The following GRIA2 variants were observed in gnomAD, a reference collection of about 807,000 sequenced individuals.
GRIA2 encodes the protein glutamate ionotropic receptor AMPA type subunit 2, also known as glutamate receptor 2.
Under a neutral mutation model 97.3 loss-of-function variants are expected in GRIA2, and 14 were observed. That is an observed-to-expected ratio of 0.14 (90% CI 0.10 to 0.23). The LOEUF (loss-of-function observed/expected upper bound fraction) is 0.23. GRIA2 is among the 10% of genes least tolerant of loss of function. The pLI is 1.00. For synonymous variants in GRIA2, 412 were observed against 387.8 expected (o/e 1.06, Z -0.73); for missense variants, 558 against 1,069.8 (o/e 0.52, Z 6.67).
intron 2 of GRIA2, among the ~76,000 whole-genome samples, chr4:157,267,698 G>C (rs1295020821): frequency 6.6e-6 from 1 of 151,940 alleles, no homozygotes; most frequent in Admixed American, 6.6e-5. Flanking sequence ...ATTTGTCCTT[G>C]GGAATTTTTT....
At chr4:157,329,733 C>CAACT (rs1734965504) in intron 6 of GRIA2, among the ~76,000 whole-genome samples, 1 of 151,840 alleles carries the variant, frequency 6.6e-6, no homozygotes, top group Admixed American at 6.6e-5. Context: ...ACATATTTTA[C>CAACT]AACTCATCAA....
intron 2 of GRIA2, among the ~76,000 whole-genome samples, chr4:157,299,822 A>T (rs1185142060): frequency 6.6e-6 from 1 of 152,200 alleles, no homozygotes; most frequent in African/African-American, 2.4e-5. Context: ...ACTCAGTGAG[A>T]GCATCTTTAC....
intron 2 of GRIA2, among the ~76,000 whole-genome samples, chr4:157,284,635 A>T (rs1477145886): frequency 1.3e-5 from 2 of 151,666 alleles, no homozygotes; most frequent in African/African-American, 4.8e-5. Flanking sequence ...CTTTTCTACA[A>T]ATTCCACTGT....
chr4:157,237,972 A>C (rs1361576074), intron 2 of GRIA2, among the ~76,000 whole-genome samples: 1 of 152,148 alleles, frequency 6.6e-6, no homozygotes, highest in Non-Finnish European at 1.5e-5. Flanking sequence ...AAGTTAATTC[A>C]GTGTAACAAT....
intron 2 of GRIA2, among the ~76,000 whole-genome samples, chr4:157,299,975 GTTTC>G (rs948489133): frequency 6.6e-6 from 1 of 152,080 alleles, no homozygotes; most frequent in Admixed American, 6.6e-5. Context: ...GAGGATTCAT[GTTTC>G]TTTCTTTGCC....
intron 2 of GRIA2, among the ~76,000 whole-genome samples, chr4:157,274,350 CT>C (rs1361331770): frequency 5.3e-5 from 8 of 150,870 alleles, no homozygotes; most frequent in Non-Finnish European, 1.2e-4. Flanking sequence ...ATTTGGATAC[CT>C]TTTATTTCTT....
chr4:157,342,393 G>A, intron 12 of GRIA2: 1 of 984,472 alleles, frequency 1.0e-6, no homozygotes. Context: ...GGTTCTGGGA[G>A]TGGGGGTGGT....
intron 2 of GRIA2, among the ~76,000 whole-genome samples, chr4:157,273,559 T>TGTAAG (rs1688837475): frequency 6.6e-6 from 1 of 151,988 alleles, no homozygotes; most frequent in Non-Finnish European, 1.5e-5. Context: ...AAAGAAATAC[T>TGTAAG]AGAGGTCAAA....
Position 157,339,934 on chromosome 4 carries a change from T to C in GRIA2, c.1845-1330T>C, listed in dbSNP as rs181720914. Among the ~76,000 whole-genome samples the C allele has an allele frequency of 6.8e-3, 1,030 of 151,982 alleles. 5 individuals carry two copies. The highest frequency in any genetic ancestry group is 9.7e-3 in the Non-Finnish European group (661 of 67,818). ...AACTTTTTCCATCCTTTCATATTTA[T>C]TTTTTTGTATTTCATACAGACTTTG... On this transcript the variant is annotated intron_variant, in intron 11 of 15. Coordinates refer to ENST00000264426, the MANE Select transcript of GRIA2 (RefSeq NM_001083619.3).
chr4:157,355,592 T>TTATATATATATTTA (rs1560780507), intron 12 of GRIA2, among the ~76,000 whole-genome samples: 4 of 69,276 alleles, frequency 5.8e-5, no homozygotes, highest in African/African-American at 3.0e-4. Flanking sequence ...ATATATTTAT[T>TTATATATATATTTA]TATATATATA....
intron 2 of GRIA2, among the ~76,000 whole-genome samples, chr4:157,268,793 A>G (rs1341995925): frequency 6.6e-6 from 1 of 151,966 alleles, no homozygotes; most frequent in African/African-American, 2.4e-5. Context: ...TTCTTAGGAT[A>G]TAAGTTATCT....
chr4:157,228,786 A>G (rs1379087960), intron 2 of GRIA2, among the ~76,000 whole-genome samples: 1 of 50,338 alleles, frequency 2.0e-5, no homozygotes, highest in African/African-American at 9.0e-5. Context: ...GCAAGATTCC[A>G]TCTCAAAAAA....
intron 2 of GRIA2, among the ~76,000 whole-genome samples, chr4:157,254,247 T>C (rs1731143499): frequency 6.6e-6 from 1 of 152,094 alleles, no homozygotes; most frequent in Admixed American, 6.6e-5. Flanking sequence ...CTCTATTTTC[T>C]GTGTGTACTA....
At chr4:157,282,952 G>T (rs1732674675) in intron 2 of GRIA2, among the ~76,000 whole-genome samples, 1 of 151,992 alleles carries the variant, frequency 6.6e-6, no homozygotes, top group Non-Finnish European at 1.5e-5. Flanking sequence ...CATTTAAGAT[G>T]CTCTTTTTAC....
chr4:157,305,141 A>G (rs1254747077), intron 3 of GRIA2, among the ~76,000 whole-genome samples: 3 of 152,176 alleles, frequency 2.0e-5, no homozygotes, highest in East Asian at 3.8e-4. Context: ...AACTGAGCTT[A>G]TTAAATAATT....
intron 4 of GRIA2, among the ~76,000 whole-genome samples, chr4:157,316,688 C>T (rs1026100548): frequency 2.0e-5 from 3 of 152,174 alleles, no homozygotes; most frequent in African/African-American, 7.2e-5. Context: ...AGTTGAGCCT[C>T]AGAAACTTGC....
chr4:157,220,658 G>A (rs1729446085), upstream of GRIA2: 215 of 183,532 alleles, frequency 1.2e-3, no homozygotes, highest in Middle Eastern at 4.7e-3. Flanking sequence ...GTGTATGTGT[G>A]TGTGTGTGTG....
At chr4:157,309,439 C>G (rs890637704) in intron 3 of GRIA2, among the ~76,000 whole-genome samples, 2 of 150,946 alleles carry the variant, frequency 1.3e-5, no homozygotes, top group Non-Finnish European at 2.9e-5. Flanking sequence ...GCAATCACCA[C>G]CTCCCAGCTT....
In GRIA2 at chr4:157,361,470, T is replaced by G; in HGVS notation, c.2406+346T>G. 1 of 1,174,318 alleles carries G rather than the reference T, an allele frequency of 8.5e-7. No homozygotes were observed. The highest frequency in any genetic ancestry group is 2.5e-5 in the East Asian group (1 of 40,630). The allele number at this position is 1,174,318 out of a possible 1,614,324, so 72.7% of individuals were successfully genotyped here. A position where few individuals can be genotyped will look rare whatever the true frequency, so the allele number is the denominator to read the frequency against. ...CTATCGCTCTTACAAAGCTCTTGAA[T>G]CAGTATTATGTAATGAATAACATAA... is the stretch of plus-strand genomic sequence containing the variant. On this transcript the variant is annotated intron_variant, in intron 14 of 15. Transcript: ENST00000264426. The surrounding 1 kb of genome is among the most constrained non-coding windows in gnomAD (Gnocchi z 5.2).
Sources: allele counts gnomAD v4.1 joint callset (sites outside exome capture counted in the v4.1 genomes callset), GRCh38; gene constraint gnomAD v4.1.1; non-coding constraint Gnocchi (gnomAD v3.1); transcripts MANE v1.5; gene names NCBI Gene and HGNC (gene_info 2026-07-23, HGNC 2026-07-21).